Variants in KDM1A observed in about 807,000 individuals in gnomAD.
KDM1A encodes the protein lysine-specific histone demethylase 1A.
In KDM1A, 49 loss-of-function variants were observed where a neutral mutation model predicts 109.4. The ratio of observed to expected loss-of-function variants is 0.45; its 90% confidence interval spans 0.36 to 0.57. The LOEUF (loss-of-function observed/expected upper bound fraction) is 0.57. KDM1A is among the 20% of genes least tolerant of loss of function. The probability of loss-of-function intolerance (pLI) is 0.00; values close to 1 mark genes in which losing one functional copy is unlikely to be tolerated. For missense variants in KDM1A, 668 were observed against 1,116.6 expected (o/e 0.60, Z 5.73); for synonymous variants, 380 against 415.4 (o/e 0.91, Z 1.04).
intron 3 of KDM1A, among the ~76,000 whole-genome samples, chr1:23,044,874 G>A (rs1267130389): frequency 6.6e-6 from 1 of 152,092 alleles, no homozygotes; most frequent in Non-Finnish European, 1.5e-5. Flanking sequence ...AAAAACAAAC[G>A]GGACTGAGAG....
chr1:23,019,864 G>A lies in KDM1A; in HGVS notation c.268G>A (p.Val90Met), dbSNP rs763643659. Reference sequence around the variant, plus strand: ...AGGGCCTCAGGCCGGCCCTACTGTCGTGCCTGGGTCTGCGACCCCCATGGA... The same window carrying A: ...AGGGCCTCAGGCCGGCCCTACTGTCATGCCTGGGTCTGCGACCCCCATGGA... ...SAGPQAGPTV[V>M]PGSATPMETG... The change falls in exon 1 of 21, where the codon GTG (valine) becomes ATG (methionine). Residue 90 changes from valine to methionine, a missense_variant. Val to Met is a conservative substitution (Grantham distance 21, BLOSUM62 1). Transcript: ENST00000400181. The A allele has an allele frequency of 3.9e-6, 6 of 1,542,978 alleles. No homozygotes were observed. The highest frequency in any genetic ancestry group is 4.0e-5 in the Admixed American group (2 of 50,604).
intron 13 of KDM1A, among the ~76,000 whole-genome samples, chr1:23,071,834 G>C (rs1214421000): frequency 6.6e-6 from 1 of 152,158 alleles, no homozygotes; most frequent in Non-Finnish European, 1.5e-5. Flanking sequence ...TTATGAAATG[G>C]TGCTTGCTAT....
At chr1:23,067,528 G>C (rs1470884411) in intron 10 of KDM1A, among the ~76,000 whole-genome samples, 3 of 152,124 alleles carry the variant, frequency 2.0e-5, no homozygotes, top group Non-Finnish European at 2.9e-5. Flanking sequence ...GTAAAAGGTC[G>C]CTCCTCCTGA....
intron 9 of KDM1A, 69 bp downstream of exon 9, chr1:23,059,236 T>C: frequency 9.1e-7 from 1 of 1,094,178 alleles, no homozygotes; most frequent in Non-Finnish European, 1.4e-6. Context: ...AGGAGAATGG[T>C]ATGGATGAGC....
intron 1 of KDM1A, among the ~76,000 whole-genome samples, chr1:23,020,888 CTGTG>C (rs989389489): frequency 1.3e-5 from 2 of 152,170 alleles, no homozygotes; most frequent in African/African-American, 4.8e-5. Context: ...ACATGGGACA[CTGTG>C]TGCAGGGCAC....
chr1:23,041,435 C>CTTTTTTTT (rs66720696), intron 2 of KDM1A, among the ~76,000 whole-genome samples: 48 of 53,016 alleles, frequency 9.1e-4, no homozygotes, highest in Admixed American at 1.0e-3. Context: ...TCTTTTCTTG[C>CTTTTTTTT]TTTTTTTTTT....
intron 1 of KDM1A, among the ~76,000 whole-genome samples, chr1:23,023,586 T>C (rs950535164): frequency 6.6e-6 from 1 of 152,218 alleles, no homozygotes; most frequent in African/African-American, 2.4e-5. Context: ...CACACTATCC[T>C]GATTACTTTA....
chr1:23,020,989 T>A (rs1367435494), intron 1 of KDM1A, among the ~76,000 whole-genome samples: 1 of 152,208 alleles, frequency 6.6e-6, no homozygotes, highest in Non-Finnish European at 1.5e-5. Context: ...AACCTGGATA[T>A]ATATGTGCGT....
chr1:23,027,455 C>T (rs1413746198), intron 1 of KDM1A, among the ~76,000 whole-genome samples: 5 of 138,408 alleles, frequency 3.6e-5, no homozygotes, highest in Non-Finnish European at 7.6e-5. Context: ...GACTCTGTCA[C>T]GCAGGCTGGA....
chr1:23,071,355 G>A lies in KDM1A; in HGVS notation c.1544G>A (p.Cys515Tyr). 6.2e-7 allele frequency: 1 copy of A among 1,608,668 alleles called. No individual in the cohort carries two copies. Among genetic ancestry groups the A allele is most frequent in the Non-Finnish European group, 8.5e-7 (1 of 1,178,466 alleles). Reference sequence around the variant, plus strand: ...AAACACAGGGATCTGACCGCCCTATGCAAGGTGTGGTATACATACATGCCT... The same window carrying A: ...AAACACAGGGATCTGACCGCCCTATACAAGGTGTGGTATACATACATGCCT... ...KSKHRDLTAL[C>Y]KEYDELAETQ... The change falls in exon 13 of 21, where the codon TGC becomes TAC. Residue 515 changes from cysteine (C) to tyrosine (Y), a missense_variant. Cys to Tyr is a radical substitution (Grantham distance 194, BLOSUM62 -2). Coordinates refer to ENST00000400181, the MANE Select transcript of KDM1A (RefSeq NM_001009999.3).
At chr1:23,060,501 TAGA>T (rs751846266) in intron 9 of KDM1A, among the ~76,000 whole-genome samples, 6 of 152,254 alleles carry the variant, frequency 3.9e-5, no homozygotes, top group Non-Finnish European at 7.4e-5. Context: ...AAGGATTAGA[TAGA>T]AGAACAAATT....
intron 3 of KDM1A, among the ~76,000 whole-genome samples, chr1:23,049,108 C>T (rs570687135): frequency 1.0e-4 from 14 of 137,826 alleles, no homozygotes; most frequent in Non-Finnish European, 3.1e-5. Flanking sequence ...GCCGAGATCG[C>T]GCTACTGCAC....
At chr1:23,037,322 A>AG (rs1395386937) in intron 2 of KDM1A, among the ~76,000 whole-genome samples, 2 of 151,226 alleles carry the variant, frequency 1.3e-5, no homozygotes, top group African/African-American at 4.8e-5. Context: ...AAAAAAAAAA[A>AG]GTGCAATTCA....
chr1:23,038,021 T>C (rs2124404362), intron 2 of KDM1A, among the ~76,000 whole-genome samples: 1 of 152,330 alleles, frequency 6.6e-6, no homozygotes, highest in South Asian at 2.1e-4. Flanking sequence ...GTTATGAGAA[T>C]CAAATGAGAA....
intron 2 of KDM1A, among the ~76,000 whole-genome samples, chr1:23,038,702 A>G (rs528833256): frequency 2.0e-5 from 3 of 152,284 alleles, no homozygotes; most frequent in African/African-American, 7.2e-5. Context: ...GATCCTTGCT[A>G]CTACCCAGTG....
Position 23,081,590 on chromosome 1 carries a change from G to A in KDM1A, c.2298+17G>A. 1 of 1,613,882 alleles carries A rather than the reference G, an allele frequency of 6.2e-7. No homozygotes were observed. ...GTACCTCAGGTAAGTAGGTAGGTGGGGCAAGGAGGGATCTAGGGTTCAGAC... is the reference window on the plus strand; with the variant it reads ...GTACCTCAGGTAAGTAGGTAGGTGGAGCAAGGAGGGATCTAGGGTTCAGAC... On this transcript the variant is annotated intron_variant, in intron 19 of 20. Coordinates refer to ENST00000400181, the MANE Select transcript of KDM1A (RefSeq NM_001009999.3).
intron 1 of KDM1A, 99 bp from the exon 2 acceptor site, chr1:23,030,370 T>C: frequency 4.4e-6 from 4 of 901,560 alleles, no homozygotes; most frequent in Non-Finnish European, 6.3e-6. Flanking sequence ...TCCCTTAAAA[T>C]GTGAGGTTAA....
At chr1:23,051,112 A>G (rs1306662295) in intron 4 of KDM1A, among the ~76,000 whole-genome samples, 1 of 152,152 alleles carries the variant, frequency 6.6e-6, no homozygotes. Context: ...ACCTTTAAGC[A>G]TTAAAAAATA....
intron 6 of KDM1A, 41 bp downstream of exon 6, chr1:23,055,202 A>C (rs1174747031): frequency 7.9e-7 from 1 of 1,262,566 alleles, no homozygotes; most frequent in Admixed American, 2.0e-5. Flanking sequence ...TACATTTTTA[A>C]GTTACGGTTT....
Sources: gnomAD v4.1 joint callset for allele counts (sites outside exome capture counted in the v4.1 genomes callset) on GRCh38, gnomAD v4.1.1 for gene constraint, MANE v1.5 for transcripts, NCBI Gene and HGNC (gene_info 2026-07-23, HGNC 2026-07-21) for gene names.